The following RYR2 variants were observed in gnomAD, a reference collection of about 807,000 sequenced individuals.
RYR2 encodes the protein cardiac muscle ryanodine receptor-calcium release channel.
A neutral mutation model predicts 601.1 loss-of-function variants in RYR2; 227 were observed. That is an observed-to-expected ratio of 0.38 (90% CI 0.34 to 0.42). The LOEUF (loss-of-function observed/expected upper bound fraction) is 0.42. Among genes scored for constraint, RYR2 ranks in the 10% least tolerant of loss-of-function variants. RYR2 has a pLI of 1.00. For synonymous variants in RYR2, 2,223 were observed against 2,175.1 expected, an observed-to-expected ratio of 1.02 and a Z score of -0.61; for missense variants, 4,646 against 6,156.5, an observed-to-expected ratio of 0.75 and a Z score of 8.21.
intron 74 of RYR2, 77 bp from the exon 75 acceptor site, chr1:237,726,195 AT>A (rs1558296521): frequency 1.0e-6 from 1 of 984,614 alleles, no homozygotes. Flanking sequence ...TATTACAATC[AT>A]TTTTGACTCT....
At chr1:237,832,380 G>A (rs1414261769) in intron 104 of RYR2, among the ~76,000 whole-genome samples, 172 bp from the exon 105 acceptor site, 3 of 152,032 alleles carry the variant, frequency 2.0e-5, no homozygotes, top group Admixed American at 6.6e-5. Flanking sequence ...TAATGGTCAG[G>A]ATGAAGATTA....
intron 62 of RYR2, 89 bp from the exon 63 acceptor site, chr1:237,687,366 C>CTTTTTTTTT (rs10679267): frequency 1.4e-4 from 35 of 259,136 alleles, no homozygotes; most frequent in Admixed American, 3.6e-4. Context: ...TTTTCTTCTT[C>CTTTTTTTTT]TTTTTTTTTT....
At chr1:237,206,268 A>T (rs971499986) in intron 1 of RYR2, among the ~76,000 whole-genome samples, 1 of 152,152 alleles carries the variant, frequency 6.6e-6, no homozygotes, top group African/African-American at 2.4e-5. Flanking sequence ...TACCTGTTTG[A>T]TTCCATTTTC....
At chr1:237,631,874 CGCCTTG>C (rs1252392702) in intron 42 of RYR2, among the ~76,000 whole-genome samples, 2 of 53,176 alleles carry the variant, frequency 3.8e-5, no homozygotes, top group Non-Finnish European at 4.0e-5. Flanking sequence ...GTGATCCGCC[CGCCTTG>C]GCCTCCCCTC....
At chr1:237,732,480 C>T (rs894905479) in intron 78 of RYR2, among the ~76,000 whole-genome samples, 3 of 152,058 alleles carry the variant, frequency 2.0e-5, no homozygotes, top group Admixed American at 1.3e-4. Context: ...ATTCCAGTGC[C>T]GCAAGTGTAT....
chr1:237,797,180 G>C (rs116337641), intron 96 of RYR2, among the ~76,000 whole-genome samples: 2,735 of 152,102 alleles, frequency 0.018, 89 homozygotes, highest in African/African-American at 0.063. Context: ...GAGCTCACAG[G>C]GGAGCTGTGA....
chr1:237,141,669 G>A (rs1673403183), intron 1 of RYR2, among the ~76,000 whole-genome samples: 1 of 152,232 alleles, frequency 6.6e-6, no homozygotes, highest in Admixed American at 6.5e-5. Context: ...CCTTCTGGGC[G>A]GCAGCGGGAC....
chr1:237,374,819 G>A (rs758301383), intron 7 of RYR2, 24 bp downstream of exon 7: 1 of 1,593,644 alleles, frequency 6.3e-7, no homozygotes, highest in Non-Finnish European at 8.6e-7. Context: ...GCTGCGGGAA[G>A]CCAGGTTCAG....
chr1:237,154,472 G>A (rs980992129), intron 1 of RYR2, among the ~76,000 whole-genome samples: 1 of 152,096 alleles, frequency 6.6e-6, no homozygotes, highest in African/African-American at 2.4e-5. Context: ...TCAGTTTTTG[G>A]TTGGTCAGTG....
chr1:237,310,830 G>A (rs1558601058), intron 2 of RYR2, among the ~76,000 whole-genome samples: 1 of 152,084 alleles, frequency 6.6e-6, no homozygotes, highest in Admixed American at 6.5e-5. Flanking sequence ...TTACTACACA[G>A]TTTGACTCTC....
intron 1 of RYR2, among the ~76,000 whole-genome samples, chr1:237,056,630 G>A (rs1317882315): frequency 1.4e-5 from 2 of 144,912 alleles, no homozygotes; most frequent in African/African-American, 5.6e-5. Flanking sequence ...CACTGCACCT[G>A]TGAGGACTGG....
At chr1:237,726,150 G>T in intron 74 of RYR2, 123 bp from the exon 75 acceptor site, 2 of 702,646 alleles carry the variant, frequency 2.8e-6, no homozygotes, top group Non-Finnish European at 4.8e-6. Context: ...CTAAACCACC[G>T]CAGTCCAAAC....
chr1:237,557,392 C>T (rs1671015215), intron 27 of RYR2, among the ~76,000 whole-genome samples: 2 of 152,080 alleles, frequency 1.3e-5, no homozygotes, highest in Admixed American at 6.6e-5. Context: ...GTAGGTACAG[C>T]TAAGTCAATC....
chr1:237,757,147 A>G (rs2685294), intron 81 of RYR2, among the ~76,000 whole-genome samples: 85,941 of 151,924 alleles, frequency 0.57, 25,281 homozygotes, highest in East Asian at 0.8. Context: ...GATAAATAGA[A>G]GTGAACAATG....
chr1:237,460,850 A>G (rs1659396652), intron 16 of RYR2, among the ~76,000 whole-genome samples: 1 of 152,178 alleles, frequency 6.6e-6, no homozygotes, highest in Admixed American at 6.5e-5. Context: ...ATGTTATAAT[A>G]TATAGAAAAT....
chr1:237,247,035 CT>C (rs1686925701), intron 1 of RYR2, among the ~76,000 whole-genome samples: 1 of 152,116 alleles, frequency 6.6e-6, no homozygotes, highest in Admixed American at 6.5e-5. Context: ...TGAAAGATAA[CT>C]TTTTGAATTT....
intron 34 of RYR2, among the ~76,000 whole-genome samples, chr1:237,599,308 A>G (rs1178914362): frequency 6.6e-6 from 1 of 152,234 alleles, no homozygotes; most frequent in Non-Finnish European, 1.5e-5. Flanking sequence ...AAAGGCATCC[A>G]AATTGGAAAA....
chr1:237,479,023 A>G (rs1661729377), intron 17 of RYR2, among the ~76,000 whole-genome samples: 1 of 152,218 alleles, frequency 6.6e-6, no homozygotes, highest in Non-Finnish European at 1.5e-5. Context: ...GAGGCTTCGT[A>G]ACCCACCTAG....
intron 17 of RYR2, among the ~76,000 whole-genome samples, chr1:237,473,198 C>T (rs576163036): frequency 6.6e-6 from 1 of 151,818 alleles, no homozygotes; most frequent in East Asian, 2.0e-4. Context: ...CTGAGGTGGG[C>T]AAATCAGCTG....
Sources: allele counts gnomAD v4.1 joint callset (sites outside exome capture counted in the v4.1 genomes callset), GRCh38; gene constraint gnomAD v4.1.1; transcripts MANE v1.5; gene names NCBI Gene and HGNC (gene_info 2026-07-23, HGNC 2026-07-21).